PBX1: variants seen among roughly 807,000 people sequenced by gnomAD.
PBX1 encodes PBX homeobox 1.
In PBX1, 6 loss-of-function variants were observed where a neutral mutation model predicts 53.4. That is an observed-to-expected ratio of 0.11 (90% CI 0.06 to 0.22). The LOEUF (loss-of-function observed/expected upper bound fraction) is 0.22. Among genes scored for constraint, PBX1 ranks in the 10% least tolerant of loss-of-function variants. The pLI is 1.00. For synonymous variants in PBX1, 204 were observed against 212.3 expected (o/e 0.96, Z 0.34); for missense variants, 251 against 551.4 (o/e 0.46, Z 5.46).
At chr1:164,619,472 G>A (rs998339007) in intron 2 of PBX1, among the ~76,000 whole-genome samples, 1 of 152,198 alleles carries the variant, frequency 6.6e-6, no homozygotes, top group African/African-American at 2.4e-5. Context: ...GGGATCGGTG[G>A]GGAGTGCTCA....
In PBX1 at chr1:164,590,506, G is replaced by C. The variant is rs534031456; in HGVS notation, c.265+27195G>C. ...CGAGGAGGAAGTTAAGTTGAGAGGT[G>C]CCGTTTTTGGTGAGCCTTAATGAGG... On this transcript the variant is annotated intron_variant, in intron 2 of 8. Coordinates refer to ENST00000420696, the MANE Select transcript of PBX1 (RefSeq NM_002585.4). The C allele has an allele frequency of 7.9e-4, 362 of 455,758 alleles. 3 individuals are homozygous for C. The highest frequency in any genetic ancestry group is 5.4e-3 in the South Asian group (351 of 64,542). The allele number at this position is 455,758 out of a possible 1,614,324, so 28.2% of individuals were successfully genotyped here.
At chr1:164,601,133 G>A (rs1487594271) in intron 2 of PBX1, among the ~76,000 whole-genome samples, 2 of 151,532 alleles carry the variant, frequency 1.3e-5, no homozygotes, top group Non-Finnish European at 2.9e-5. Flanking sequence ...CAGCTACTCG[G>A]GAGGCTGAGA....
intron 2 of PBX1, among the ~76,000 whole-genome samples, chr1:164,582,555 T>G (rs1175950660): frequency 6.6e-6 from 1 of 151,930 alleles, no homozygotes; most frequent in African/African-American, 2.4e-5. Context: ...CCCGAGTAGC[T>G]GGGATTACAG....
intron 2 of PBX1, among the ~76,000 whole-genome samples, chr1:164,713,606 C>T (rs1297755869): frequency 6.6e-6 from 1 of 152,070 alleles, no homozygotes; most frequent in Non-Finnish European, 1.5e-5. Flanking sequence ...ATTCGTGGGT[C>T]ACTTTGTCTT....
intron 2 of PBX1, among the ~76,000 whole-genome samples, chr1:164,714,514 A>C (rs965982441): frequency 6.6e-6 from 1 of 151,884 alleles, no homozygotes; most frequent in Non-Finnish European, 1.5e-5. Flanking sequence ...TCATTATTTT[A>C]AGATAGGAGA....
At chr1:164,702,424 T>C (rs1005709879) in intron 2 of PBX1, among the ~76,000 whole-genome samples, 3 of 152,220 alleles carry the variant, frequency 2.0e-5, no homozygotes, top group African/African-American at 7.2e-5. Flanking sequence ...AGAACTGCTA[T>C]GTTTATAGAC....
At chr1:164,667,743 G>A (rs1228602118) in intron 2 of PBX1, among the ~76,000 whole-genome samples, 1 of 152,202 alleles carries the variant, frequency 6.6e-6, no homozygotes, top group Non-Finnish European at 1.5e-5. Context: ...GCAGGAGTGA[G>A]CCGTTTAGCT....
At chr1:164,600,369 A>C (rs182447095) in intron 2 of PBX1, among the ~76,000 whole-genome samples, 19 of 149,660 alleles carry the variant, frequency 1.3e-4, no homozygotes, top group Non-Finnish European at 2.1e-4. Context: ...TTCCTGCCTC[A>C]GCCTCCCGAG....
intron 2 of PBX1, among the ~76,000 whole-genome samples, chr1:164,764,507 A>C (rs2102229337): frequency 6.6e-6 from 1 of 152,312 alleles, no homozygotes; most frequent in South Asian, 2.1e-4. Context: ...ATTACTCATA[A>C]GTGAGCTCTG....
At chr1:164,813,149 A>G (rs1669703074) in intron 6 of PBX1, 1 of 152,218 alleles carries the variant, frequency 6.6e-6, no homozygotes, top group South Asian at 2.1e-4. Context: ...GTTTTCTTAC[A>G]GCGACTCGTT....
chr1:164,845,747 T>C (rs548217460), intron 8 of PBX1, among the ~76,000 whole-genome samples: 4 of 152,264 alleles, frequency 2.6e-5, no homozygotes, highest in South Asian at 4.1e-4. Context: ...GATCTCCAAA[T>C]ATTGATCAAG....
chr1:164,713,756 C>T (rs1310551693), intron 2 of PBX1, among the ~76,000 whole-genome samples: 1 of 152,198 alleles, frequency 6.6e-6, no homozygotes, highest in African/African-American at 2.4e-5. Context: ...TCATGCTAAT[C>T]TATTTACAAG....
intron 2 of PBX1, among the ~76,000 whole-genome samples, chr1:164,881,486 T>G: frequency 6.7e-6 from 1 of 149,856 alleles, no homozygotes; most frequent in Non-Finnish European, 1.5e-5. Flanking sequence ...CTTGCCCTTG[T>G]GTACTCTCCC....
chr1:164,637,153 A>G (rs1252783324), intron 2 of PBX1, among the ~76,000 whole-genome samples: 2 of 152,200 alleles, frequency 1.3e-5, no homozygotes, highest in Non-Finnish European at 2.9e-5. Flanking sequence ...GGATGATCTC[A>G]CTGAATTCAG....
At chr1:164,780,561 G>C (rs1667882099) in intron 2 of PBX1, among the ~76,000 whole-genome samples, 2 of 152,044 alleles carry the variant, frequency 1.3e-5, no homozygotes, top group Non-Finnish European at 2.9e-5. Context: ...GAGGCACCAG[G>C]GAAGACGTCT....
At chr1:164,827,565 T>G (rs1192045070) in intron 8 of PBX1, among the ~76,000 whole-genome samples, 1 of 152,182 alleles carries the variant, frequency 6.6e-6, no homozygotes, top group Non-Finnish European at 1.5e-5. Context: ...GACAAAACTA[T>G]TGGGAAACAG....
At chr1:164,830,142 G>A (rs904071138) in intron 8 of PBX1, among the ~76,000 whole-genome samples, 1 of 152,044 alleles carries the variant, frequency 6.6e-6, no homozygotes, top group African/African-American at 2.4e-5. Context: ...TAAATGTGAT[G>A]GTGTGCAAGA....
At chr1:164,597,019 C>T (rs1463463692) in intron 2 of PBX1, among the ~76,000 whole-genome samples, 2 of 152,180 alleles carry the variant, frequency 1.3e-5, no homozygotes, top group Non-Finnish European at 2.9e-5. Context: ...GCACCCTGTA[C>T]CCTCTGTCTT....
At chr1:164,839,324 G>C (rs192796791) in intron 8 of PBX1, among the ~76,000 whole-genome samples, 1 of 152,284 alleles carries the variant, frequency 6.6e-6, no homozygotes, top group Non-Finnish European at 1.5e-5. Context: ...ATCAACCACT[G>C]TATGCCCAGT....
Sources: allele counts gnomAD v4.1 joint callset (sites outside exome capture counted in the v4.1 genomes callset), GRCh38; gene constraint gnomAD v4.1.1; transcripts MANE v1.5; gene names NCBI Gene and HGNC (gene_info 2026-07-23, HGNC 2026-07-21).